Variants in MAP2 observed in about 807,000 individuals in gnomAD.
MAP2 encodes the protein microtubule associated protein 2, also known as microtubule-associated protein 2.
In MAP2, 14 loss-of-function variants were observed where a neutral mutation model predicts 137.6. The observed-to-expected ratio is 0.10, with a 90% CI of 0.07 to 0.16. The LOEUF is 0.16. Ranked by LOEUF, MAP2 falls within the 10% of genes least tolerant of loss-of-function variation. MAP2 has a pLI of 1.00. For synonymous variants in MAP2, 786 were observed against 782.3 expected (o/e 1.00, Z -0.08); for missense variants, 2,088 against 2,191.5 (o/e 0.95, Z 0.94).
intron 1 of MAP2, among the ~76,000 whole-genome samples, chr2:209,470,892 A>G (rs564734715): frequency 5.9e-5 from 9 of 152,308 alleles, no homozygotes; most frequent in East Asian, 1.9e-4. Context: ...GCTTTTGACA[A>G]TGACTTACTG....
At chr2:209,635,424 A>G (rs2093465131) in intron 4 of MAP2, among the ~76,000 whole-genome samples, 2 of 152,176 alleles carry the variant, frequency 1.3e-5, no homozygotes, top group African/African-American at 4.8e-5. Context: ...AATAGAAAAA[A>G]ACCCTGAGTT....
intron 2 of MAP2, among the ~76,000 whole-genome samples, chr2:209,510,404 A>C (rs2061585077): frequency 6.6e-6 from 1 of 152,100 alleles, no homozygotes; most frequent in Non-Finnish European, 1.5e-5. Flanking sequence ...ATAGCCCTGC[A>C]ATAAATATGC....
intron 4 of MAP2, among the ~76,000 whole-genome samples, chr2:209,648,255 C>A (rs1197667088): frequency 6.6e-6 from 1 of 151,950 alleles, no homozygotes; most frequent in Non-Finnish European, 1.5e-5. Context: ...GCACACACCA[C>A]CACACCCAGC....
chr2:209,434,885 T>TTATATATATATGTTATATATATGTTATA (rs60440231), intron 1 of MAP2, among the ~76,000 whole-genome samples: 1 of 74,648 alleles, frequency 1.3e-5, no homozygotes, highest in East Asian at 3.0e-4. Flanking sequence ...TATATATATG[T>TTATATATATATGTTATATATATGTTATA]TATATATATG....
chr2:209,573,298 GT>G (rs71043941), intron 2 of MAP2, among the ~76,000 whole-genome samples: 16,549 of 119,558 alleles, frequency 0.14, 684 homozygotes, highest in African/African-American at 0.27. Context: ...TTCTTTTTCT[GT>G]TTTTTTTTTT....
chr2:209,588,536 T>G (rs2078366799), intron 3 of MAP2, among the ~76,000 whole-genome samples: 1 of 152,180 alleles, frequency 6.6e-6, no homozygotes, highest in Admixed American at 6.5e-5. Flanking sequence ...TGTAGGAACT[T>G]AAGAAATGAT....
At chr2:209,679,358 G>C (rs1232208791) in intron 6 of MAP2, among the ~76,000 whole-genome samples, 1 of 150,416 alleles carries the variant, frequency 6.6e-6, no homozygotes, top group Non-Finnish European at 1.5e-5. Context: ...TAGATAGATA[G>C]ATAGATAGGC....
At chr2:209,543,627 A>G (rs2153271057) in intron 2 of MAP2, among the ~76,000 whole-genome samples, 1 of 152,342 alleles carries the variant, frequency 6.6e-6, no homozygotes, top group East Asian at 1.9e-4. Flanking sequence ...TCTTAAACCA[A>G]CATGTTGGGT....
intron 2 of MAP2, among the ~76,000 whole-genome samples, chr2:209,508,796 T>G (rs1224056918): frequency 6.6e-6 from 1 of 152,050 alleles, no homozygotes; most frequent in Non-Finnish European, 1.5e-5. Context: ...ACTGTATTAT[T>G]TTATTAAGTG....
intron 4 of MAP2, among the ~76,000 whole-genome samples, chr2:209,650,910 TG>T (rs1443999521): frequency 1.3e-5 from 2 of 152,114 alleles, no homozygotes; most frequent in Non-Finnish European, 2.9e-5. Flanking sequence ...CAAAATAAAT[TG>T]GGCCATATAA....
chr2:209,695,543 G>T lies in MAP2; in HGVS notation c.3373G>T (p.Val1125Leu). 6.2e-7 allele frequency: 1 copy of T among 1,614,138 alleles called. No homozygotes were observed. Among genetic ancestry groups the T allele is most frequent in the Non-Finnish European group, 8.5e-7 (1 of 1,180,016 alleles). The change falls in exon 8 of 16, where the codon GTA (valine) becomes TTA (leucine). Residue 1125 changes from valine (V) to leucine (L), a missense_variant. This residue lies in a region of MAP2 where 8 missense variants were observed against 28.8 expected (regional missense o/e 0.28). Transcript: ENST00000682079. ...AKPDLVHQEAVDKEESYESSG... is the reference protein window; with the variant it reads ...AKPDLVHQEALDKEESYESSG... ...GCCTGACTTGGTGCACCAGGAGGCT[G>T]TAGACAAGGAGGAGTCCTATGAATC...
At chr2:209,463,298 T>C (rs557141687) in intron 1 of MAP2, among the ~76,000 whole-genome samples, 1 of 152,344 alleles carries the variant, frequency 6.6e-6, no homozygotes, top group South Asian at 2.1e-4. Context: ...ATTTCTAATT[T>C]GTTTTATTTC....
At chr2:209,486,145 T>C (rs1253769208) in intron 1 of MAP2, among the ~76,000 whole-genome samples, 1 of 152,240 alleles carries the variant, frequency 6.6e-6, no homozygotes, top group African/African-American at 2.4e-5. Flanking sequence ...TAGAAAAGTA[T>C]CTGCCTTGCC....
intron 5 of MAP2, among the ~76,000 whole-genome samples, chr2:209,675,733 T>G (rs930803121): frequency 6.6e-6 from 1 of 151,842 alleles, no homozygotes; most frequent in Non-Finnish European, 1.5e-5. Context: ...AGTTGCTCAG[T>G]TATAATTTGC....
chr2:209,569,173 A>G lies in MAP2; in HGVS notation c.-171-10863A>G, dbSNP rs544371356. Among the ~76,000 whole-genome samples the G allele has an allele frequency of 3.9e-5, 6 of 152,000 alleles. No homozygotes were observed. In the East Asian group the frequency reaches 5.8e-4, roughly 15 times the overall value. On this transcript the variant is annotated intron_variant, in intron 2 of 15. Coordinates refer to ENST00000682079, the MANE Select transcript of MAP2 (RefSeq NM_001375505.1). ...CAAAGATGAAAAATCTAAAATTTGT[A>G]TATTCAAATAGCTAACCAAGACCCA...
intron 1 of MAP2, among the ~76,000 whole-genome samples, chr2:209,487,581 T>TA: frequency 6.6e-6 from 1 of 152,336 alleles, no homozygotes; most frequent in East Asian, 1.9e-4. Flanking sequence ...TGAGAAGATG[T>TA]TCCATGAAAG....
At position 209,730,648 on chromosome 2, in the gene MAP2, CT is replaced by C; in HGVS notation, c.*252del. ...ATTGGACAATTATTTTTGCTCTGCTCTGTTTTGCATGGAGTATTATTATTTT... is the reference window on the plus strand; with the variant it reads ...ATTGGACAATTATTTTTGCTCTGCTCGTTTTGCATGGAGTATTATTATTTT... On this transcript the variant is annotated 3_prime_UTR_variant, in exon 16 of 16. Transcript: ENST00000682079. 2.1e-6 allele frequency: 1 copy of C among 480,080 alleles called. No individual in the cohort carries two copies. The highest frequency in any genetic ancestry group is 3.8e-6 in the Non-Finnish European group (1 of 264,862). The allele number at this position is 480,080 out of a possible 1,614,324, so 29.7% of individuals were successfully genotyped here.
In MAP2 at chr2:209,710,017, C is replaced by G. The variant is rs750376694; in HGVS notation, c.4836C>G (p.Arg1612=). The change falls in exon 13 of 16, where the codon CGC becomes CGG. Residue 1612 remains arginine, a synonymous_variant. Coordinates refer to ENST00000682079, the MANE Select transcript of MAP2 (RefSeq NM_001375505.1). ...TPGTPPSYSS[R]TPGTPGTPSY... ...GCACCCCACCAAGTTATTCTTCACGCACACCAGGCACTCCTGGAACCCCTA... is the reference window on the plus strand; with the variant it reads ...GCACCCCACCAAGTTATTCTTCACGGACACCAGGCACTCCTGGAACCCCTA... The G allele has an allele frequency of 2.5e-6, 4 of 1,613,940 alleles. No homozygotes were observed. The African/African-American group carries it at 5.3e-5, about 22-fold the overall frequency.
chr2:209,729,817 T>C, intron 14 of MAP2, 33 bp from the exon 15 acceptor site: 1 of 1,416,582 alleles, frequency 7.1e-7, no homozygotes, highest in Non-Finnish European at 1.0e-6. Context: ...GAATGCAAGA[T>C]ATAGTTAAAT....
Sources: gnomAD v4.1 joint callset for allele counts (sites outside exome capture counted in the v4.1 genomes callset) on GRCh38, gnomAD v4.1.1 for gene constraint, gnomAD v4.1.1 regional missense constraint, MANE v1.5 for transcripts, NCBI Gene and HGNC (gene_info 2026-07-23, HGNC 2026-07-21) for gene names.